Variants in GLRX2 observed in about 807,000 individuals in gnomAD.
GLRX2 encodes glutaredoxin 2.
A neutral mutation model predicts 16.4 loss-of-function variants in GLRX2; 12 were observed. The observed-to-expected ratio is 0.73, with a 90% confidence interval of 0.47 to 1.19. The LOEUF (loss-of-function observed/expected upper bound fraction) is 1.19. Among genes scored for constraint, GLRX2 ranks in the 50% most tolerant of loss-of-function variants. The pLI, the probability that GLRX2 is intolerant of heterozygous loss-of-function variation, is 0.00. For synonymous variants in GLRX2, 95 were observed against 76.2 expected, an observed-to-expected ratio of 1.25 and a Z score of -1.28; for missense variants, 201 against 201.8, an observed-to-expected ratio of 1.00 and a Z score of 0.02.
chr1:193,104,533 C>G (rs1675145029), intron 1 of GLRX2, among the ~76,000 whole-genome samples: 1 of 152,194 alleles, frequency 6.6e-6, no homozygotes. Context: ...ATAGAAGCTC[C>G]CAGATCAAGT....
chr1:193,097,717 G>A lies in GLRX2; in HGVS notation c.227C>T (p.Ser76Phe), dbSNP rs1326068335. 1 of 1,597,852 alleles carries A rather than the reference G, an allele frequency of 6.3e-7. No homozygotes were observed. Among genetic ancestry groups the A allele is most frequent in the Non-Finnish European group, 8.5e-7 (1 of 1,175,006 alleles). Reference sequence around the variant, plus strand: ...TTTTGCCATTGTACAGTAAGAACAGGATGTTTTTGAGAAAATCACCACACA... The same window carrying A: ...TTTTGCCATTGTACAGTAAGAACAGAATGTTTTTGAGAAAATCACCACACA... ...DNCVVIFSKT[S>F]CSYCTMAKKL... is the part of the protein sequence containing the mutation. The change falls in exon 3 of 4, where the codon TCC becomes TTC. Residue 76 changes from serine (S) to phenylalanine (F), a missense_variant. Physicochemically the swap from Ser to Phe is radical, Grantham distance 155. Coordinates refer to ENST00000367439, the MANE Select transcript of GLRX2 (RefSeq NM_197962.3).
chr1:193,105,197 C>A lies in GLRX2; in HGVS notation c.119+67G>T, dbSNP rs35891969. On this transcript the variant is annotated intron_variant, in intron 1 of 3. Transcript: ENST00000367439. ...GGGGCAAAGGGGCACCTCCGCCCAC[C>A]GCTTTCTCCAGACCCCCGCAAGGCC... is the stretch of plus-strand genomic sequence containing the variant. 2,364 of 1,477,498 alleles carry A rather than the reference C, an allele frequency of 1.6e-3. 50 individuals are homozygous for A. The East Asian group carries it at 0.046, about 29-fold the overall frequency. 91.5% of individuals were successfully genotyped at this position (1,477,498 alleles called of 1,614,324 possible).
intron 3 of GLRX2, 33 bp downstream of exon 3, chr1:193,097,551 A>G (rs1674984717): frequency 2.0e-6 from 3 of 1,518,706 alleles, no homozygotes; most frequent in Non-Finnish European, 2.7e-6. Flanking sequence ...ACAACCTATT[A>G]AAGAGGAACA....
intron 2 of GLRX2, 59 bp downstream of exon 2, chr1:193,101,082 T>C: frequency 1.0e-6 from 1 of 995,302 alleles, no homozygotes. Flanking sequence ...ATTAAATATA[T>C]AAGGGACAAT....
At chr1:193,101,664 T>C (rs1675079494) in intron 1 of GLRX2, among the ~76,000 whole-genome samples, 1 of 152,212 alleles carries the variant, frequency 6.6e-6, no homozygotes, top group Non-Finnish European at 1.5e-5. Flanking sequence ...TAGCTCCAAA[T>C]TTCCTAGTCT....
rs756099523 is a variant in GLRX2, at chr1:193,105,348, C to T, written c.35G>A (p.Arg12Gln). 3.9e-6 allele frequency: 6 copies of T among 1,547,896 alleles called. No homozygotes were observed. The South Asian group carries it at 7.0e-5, about 18-fold the overall frequency. ...IWRRAALAGT[R>Q]LVWSRSGSAG... ...CGAGCCGCTCCTGCTCCAAACCAGC[C>T]GCGTCCCCGCCAGCGCCGCGCGGCG... Residue 12 changes from arginine to glutamine, a missense_variant, in exon 1 of 4, where the codon CGG (arginine) becomes CAG (glutamine). Transcript: ENST00000367439.
At chr1:193,102,929 T>C (rs1675108110) in intron 1 of GLRX2, among the ~76,000 whole-genome samples, 1 of 152,076 alleles carries the variant, frequency 6.6e-6, no homozygotes, top group African/African-American at 2.4e-5. Flanking sequence ...CTGTATAAGC[T>C]CCCCACGCTT....
intron 1 of GLRX2, 49 bp downstream of exon 1, chr1:193,105,215 G>A (rs769404948): frequency 3.3e-6 from 5 of 1,517,384 alleles, no homozygotes; most frequent in Non-Finnish European, 4.4e-6. Context: ...CCAGACCCCC[G>A]CAAGGCCTGC....
In GLRX2 at chr1:193,096,682, C is replaced by T; in HGVS notation, c.438G>A (p.Leu146=). The T allele has an allele frequency of 1.2e-6, 2 of 1,602,672 alleles. No individual in the cohort carries two copies. The highest frequency in any genetic ancestry group is 1.7e-6 in the Non-Finnish European group (2 of 1,169,982). The change falls in exon 4 of 4, where the codon TTG becomes TTA. Residue 146 remains leucine (L), a synonymous_variant. Coordinates refer to ENST00000367439, the MANE Select transcript of GLRX2 (RefSeq NM_197962.3). ...AATAACACTGATGAACTAGTGGGAG[C>T]AATTTTCCTTCTTTGTGAAGCCTAT... ...DTHRLHKEGK[L]LPLVHQCYLK...
upstream of GLRX2, chr1:193,105,586 TAAA>T (rs1230361209): frequency 6.2e-6 from 10 of 1,607,400 alleles, no homozygotes; most frequent in Non-Finnish European, 8.5e-6. Context: ...CACCCACGTG[TAAA>T]CATCCTTTAG....
chr1:193,104,891 C>T (rs915550284), intron 1 of GLRX2, among the ~76,000 whole-genome samples: 3 of 152,246 alleles, frequency 2.0e-5, no homozygotes, highest in Non-Finnish European at 4.4e-5. Flanking sequence ...GAAAACTGTT[C>T]CGTTTTTCCT....
At chr1:193,105,524 C>T, upstream of GLRX2, 1 of 1,561,378 alleles carries the variant, frequency 6.4e-7, no homozygotes, top group Non-Finnish European at 8.7e-7. Context: ...CACCTCCTCG[C>T]AGCTGAGCGC....
intron 2 of GLRX2, among the ~76,000 whole-genome samples, chr1:193,098,516 T>TAAGTG: frequency 6.6e-6 from 1 of 152,258 alleles, no homozygotes; most frequent in South Asian, 2.1e-4. Flanking sequence ...AAGTGGACTC[T>TAAGTG]GTCTCAAAAC....
At chr1:193,100,057 G>C (rs1385355260) in intron 2 of GLRX2, among the ~76,000 whole-genome samples, 1 of 151,760 alleles carries the variant, frequency 6.6e-6, no homozygotes, top group African/African-American at 2.4e-5. Flanking sequence ...ATTAGACACT[G>C]ATGAAGAGAT....
At chr1:193,097,532 A>G in intron 3 of GLRX2, 52 bp downstream of exon 3, 2 of 1,373,092 alleles carry the variant, frequency 1.5e-6, no homozygotes, top group South Asian at 3.2e-5. Flanking sequence ...GCTCTGGGTG[A>G]TCTAGTTTAC....
intron 2 of GLRX2, among the ~76,000 whole-genome samples, chr1:193,099,572 T>C (rs894420193): frequency 6.6e-6 from 1 of 152,136 alleles, no homozygotes; most frequent in Admixed American, 6.6e-5. Context: ...GCTCAAGCAA[T>C]CTACCTGCCT....
At position 193,096,735 on chromosome 1, in the gene GLRX2, T is replaced by G; in HGVS notation, c.385A>C (p.Thr129Pro). Residue 129 changes from threonine to proline, a missense_variant, in exon 4 of 4, where the codon ACT (threonine) becomes CCT (proline). Thr to Pro is a conservative substitution (Grantham distance 38). Coordinates refer to ENST00000367439, the MANE Select transcript of GLRX2 (RefSeq NM_197962.3). Reference protein sequence around the residue: ...RTVPRIFVNGTFIGGATDTHR... With the variant: ...RTVPRIFVNGPFIGGATDTHR... ...GTGTCAGTTGCACCTCCAATAAAAG[T>G]ACCATTGACAAATATTCTTGGAACC... is the stretch of plus-strand genomic sequence containing the variant. The G allele has an allele frequency of 1.2e-6, 2 of 1,610,692 alleles. No homozygotes were observed. Among genetic ancestry groups the G allele is most frequent in the East Asian group, 2.2e-5 (1 of 44,776 alleles).
Position 193,105,384 on chromosome 1 carries a change from G to C in GLRX2, c.-2C>G, listed in dbSNP as rs1223080525. On this transcript the variant is annotated 5_prime_UTR_variant, in exon 1 of 4. Transcript: ENST00000367439. ...CAGCGCCGCGCGGCGCCAAATCATG[G>C]TCAGAGCCCGGATCTGCAGCGAGCT... 3.2e-6 allele frequency: 5 copies of C among 1,540,898 alleles called. No homozygotes were observed. Among genetic ancestry groups the C allele is most frequent in the South Asian group, 1.2e-5 (1 of 84,048 alleles).
intron 3 of GLRX2, 150 bp from the exon 4 acceptor site, chr1:193,096,909 C>CT (rs1674970679): frequency 1.7e-6 from 1 of 597,112 alleles, no homozygotes; most frequent in Admixed American, 3.4e-5. Context: ...AATCTTTACC[C>CT]TTTAAGGTAG....
Sources: allele counts gnomAD v4.1 joint callset (sites outside exome capture counted in the v4.1 genomes callset), GRCh38; gene constraint gnomAD v4.1.1; transcripts MANE v1.5; gene names NCBI Gene and HGNC (gene_info 2026-07-23, HGNC 2026-07-21).